Variants in PALLD observed in about 807,000 individuals in gnomAD.
The protein encoded by PALLD is palladin, cytoskeletal associated protein.
PALLD carries 61 observed loss-of-function variants against 123.5 expected under a neutral mutation model. The ratio of observed to expected loss-of-function variants is 0.49; its 90% CI spans 0.40 to 0.61. The LOEUF is 0.61. Ranked by LOEUF, PALLD falls within the 20% of genes least tolerant of loss-of-function variation. The pLI, the probability that PALLD is intolerant of heterozygous loss-of-function variation, is 0.00. For missense variants in PALLD, 1,273 were observed against 1,377.0 expected, an observed-to-expected ratio of 0.92 and a Z score of 1.20; for synonymous variants, 465 against 496.4, an observed-to-expected ratio of 0.94 and a Z score of 0.84.
intron 2 of PALLD, among the ~76,000 whole-genome samples, chr4:168,650,772 A>G (rs890882565): frequency 6.6e-6 from 1 of 152,118 alleles, no homozygotes; most frequent in African/African-American, 2.4e-5. Flanking sequence ...CCCAACTGGA[A>G]AACTGTACCC....
chr4:168,502,158 G>C (rs145751534), intron 1 of PALLD, among the ~76,000 whole-genome samples: 102 of 151,876 alleles, frequency 6.7e-4, no homozygotes, highest in African/African-American at 2.4e-3. Flanking sequence ...ATAAAACAAT[G>C]AGAAAAGTAA....
rs549898323 is a variant in PALLD at position 168,804,193 on chromosome 4, C to T, written c.1965-86729C>T. Among the ~76,000 whole-genome samples the T allele has an allele frequency of 3.9e-5, 6 of 152,344 alleles. 1 individual carries two copies. In the East Asian group the frequency reaches 7.7e-4, roughly 20 times the overall value. Reference sequence around the variant, plus strand: ...TCTTATAAAAGAAAGAGGTATGTTCCTTCTGTGTAGAGCGAACTAGAAATA... The same window carrying T: ...TCTTATAAAAGAAAGAGGTATGTTCTTTCTGTGTAGAGCGAACTAGAAATA... On this transcript the variant is annotated intron_variant, in intron 10 of 21. Transcript: ENST00000505667.
chr4:168,704,355 A>G (rs1275847841), intron 8 of PALLD, among the ~76,000 whole-genome samples: 1 of 152,242 alleles, frequency 6.6e-6, no homozygotes, highest in East Asian at 1.9e-4. Context: ...ATAGAGAACC[A>G]TATACCTGTT....
At chr4:168,559,141 A>G (rs1375313151) in intron 2 of PALLD, among the ~76,000 whole-genome samples, 2 of 152,240 alleles carry the variant, frequency 1.3e-5, no homozygotes, top group Non-Finnish European at 2.9e-5. Flanking sequence ...AGTAAAGTGT[A>G]AATGGAACTC....
intron 10 of PALLD, among the ~76,000 whole-genome samples, chr4:168,765,354 G>A (rs1733520348): frequency 6.6e-6 from 1 of 152,152 alleles, no homozygotes. Flanking sequence ...GTGGCCCAGA[G>A]GACATGAGAG....
At chr4:168,924,216 G>A in intron 18 of PALLD, 39 bp from the exon 19 acceptor site, 5 of 1,573,738 alleles carry the variant, frequency 3.2e-6, no homozygotes, top group Non-Finnish European at 3.5e-6. Flanking sequence ...TGCTCCTTTT[G>A]TATATCATTG....
intron 2 of PALLD, among the ~76,000 whole-genome samples, chr4:168,558,148 C>A (rs193171244): frequency 9.9e-5 from 15 of 152,200 alleles, no homozygotes; most frequent in East Asian, 3.9e-4. Flanking sequence ...ACCTCTCACC[C>A]CTACGGGCTA....
chr4:168,702,891 T>TTTTA (rs548874369), intron 8 of PALLD, among the ~76,000 whole-genome samples: 37 of 140,360 alleles, frequency 2.6e-4, no homozygotes, highest in South Asian at 9.2e-4. Flanking sequence ...TATTTATTTA[T>TTTTA]TTTATTTATT....
chr4:168,659,420 G>A (rs1287056874), intron 2 of PALLD, among the ~76,000 whole-genome samples: 1 of 152,176 alleles, frequency 6.6e-6, no homozygotes, highest in Non-Finnish European at 1.5e-5. Context: ...TGTGCTTTGG[G>A]AGGAGGAGGC....
At chr4:168,805,300 G>A (rs868522869) in intron 10 of PALLD, among the ~76,000 whole-genome samples, 11 of 152,050 alleles carry the variant, frequency 7.2e-5, no homozygotes, top group African/African-American at 2.2e-4. Flanking sequence ...TTTCTAATAC[G>A]GTTTCTTAGT....
intron 10 of PALLD, among the ~76,000 whole-genome samples, chr4:168,883,948 CAAAA>C (rs35084179): frequency 1.4e-5 from 2 of 142,478 alleles, no homozygotes; most frequent in African/African-American, 5.2e-5. Flanking sequence ...TGCAAACCAT[CAAAA>C]AAAAAAAGGA....
chr4:168,570,320 C>G (rs1187110923), intron 2 of PALLD, among the ~76,000 whole-genome samples: 1 of 152,160 alleles, frequency 6.6e-6, no homozygotes, highest in Non-Finnish European at 1.5e-5. Flanking sequence ...CCCATAAATA[C>G]AAACCCATTC....
chr4:168,712,188 A>G (rs191822409), intron 10 of PALLD: 5 of 546,888 alleles, frequency 9.1e-6, no homozygotes, highest in African/African-American at 5.7e-5. Context: ...GTGGGCTTCC[A>G]ACATACAGCT....
rs145249119 is a variant in PALLD at position 168,717,497 on chromosome 4, C to T, written c.1964+5574C>T. On this transcript the variant is annotated intron_variant, in intron 10 of 21. Transcript: ENST00000505667. ...TCCCGAGTAGCTGGGATTACAGGCACGTGCCACCACCCCTGGCTAATTTTT... is the reference window on the plus strand; with the variant it reads ...TCCCGAGTAGCTGGGATTACAGGCATGTGCCACCACCCCTGGCTAATTTTT... Among the ~76,000 whole-genome samples, 438 of 152,164 alleles carry T rather than the reference C, an allele frequency of 2.9e-3. 2 individuals are homozygous for T. The highest frequency in any genetic ancestry group is 7.1e-3 in the African/African-American group (296 of 41,518).
At chr4:168,882,129 G>A (rs950838622) in intron 10 of PALLD, among the ~76,000 whole-genome samples, 1 of 152,256 alleles carries the variant, frequency 6.6e-6, no homozygotes, top group Non-Finnish European at 1.5e-5. Flanking sequence ...AGAAGAGCAT[G>A]TGTCAATAAG....
At chr4:168,639,732 G>A (rs1776730672) in intron 2 of PALLD, among the ~76,000 whole-genome samples, 1 of 151,938 alleles carries the variant, frequency 6.6e-6, no homozygotes, top group Non-Finnish European at 1.5e-5. Flanking sequence ...TTTTAGTAGA[G>A]ACGGGGTTTC....
chr4:168,719,186 G>A (rs1410067904), intron 10 of PALLD, among the ~76,000 whole-genome samples: 2 of 150,656 alleles, frequency 1.3e-5, no homozygotes, highest in Non-Finnish European at 2.9e-5. Context: ...GATTACAGGC[G>A]TGAGCCACTG....
At chr4:168,823,479 A>C (rs527814341) in intron 10 of PALLD, among the ~76,000 whole-genome samples, 1 of 152,266 alleles carries the variant, frequency 6.6e-6, no homozygotes, top group South Asian at 2.1e-4. Flanking sequence ...CAAGAGTTTG[A>C]GACCAGACTG....
intron 10 of PALLD, among the ~76,000 whole-genome samples, chr4:168,787,583 A>G (rs1222540887): frequency 6.6e-6 from 1 of 152,244 alleles, no homozygotes; most frequent in Non-Finnish European, 1.5e-5. Context: ...AGATGTGGCC[A>G]GTGGCTGTCA....
Sources: allele counts gnomAD v4.1 joint callset (sites outside exome capture counted in the v4.1 genomes callset), GRCh38; gene constraint gnomAD v4.1.1; transcripts MANE v1.5; gene names NCBI Gene and HGNC (gene_info 2026-07-23, HGNC 2026-07-21).